The following LRBA variants were observed in gnomAD, a reference collection of about 807,000 sequenced individuals.
LRBA encodes the protein lipopolysaccharide-responsive and beige-like anchor protein.
Under a neutral mutation model 330.0 loss-of-function variants are expected in LRBA, and 176 were observed. The ratio of observed to expected loss-of-function variants is 0.53; its 90% CI spans 0.47 to 0.60. LRBA has a LOEUF of 0.60. Ranked by LOEUF, LRBA falls within the 20% of genes least tolerant of loss-of-function variation. The pLI is 0.00. For synonymous variants in LRBA, 1,230 were observed against 1,193.0 expected, an observed-to-expected ratio of 1.03 and a Z score of -0.64; for missense variants, 3,259 against 3,444.8, an observed-to-expected ratio of 0.95 and a Z score of 1.35.
At chr4:150,474,534 C>G (rs1756498961) in intron 42 of LRBA, among the ~76,000 whole-genome samples, 1 of 152,100 alleles carries the variant, frequency 6.6e-6, no homozygotes, top group African/African-American at 2.4e-5. Flanking sequence ...CCAAAAACGT[C>G]TATCAGGAAT....
At chr4:150,590,621 G>C in intron 39 of LRBA, 92 bp downstream of exon 39, 1 of 1,074,712 alleles carries the variant, frequency 9.3e-7, no homozygotes, top group Non-Finnish European at 1.4e-6. Flanking sequence ...GTATAAACTT[G>C]GTAGTCCTAG....
chr4:150,536,429 C>T (rs1764662181), intron 40 of LRBA, among the ~76,000 whole-genome samples: 1 of 152,116 alleles, frequency 6.6e-6, no homozygotes, highest in Non-Finnish European at 1.5e-5. Flanking sequence ...TAAAACCCTT[C>T]AGCATTTCAC....
At chr4:150,538,175 T>C (rs958328330) in intron 40 of LRBA, among the ~76,000 whole-genome samples, 14 of 152,330 alleles carry the variant, frequency 9.2e-5, no homozygotes, top group Non-Finnish European at 1.6e-4. Flanking sequence ...AGAACTTTTA[T>C]ACACTGTTGG....
At chr4:150,995,780 C>T (rs1742566215) in intron 2 of LRBA, among the ~76,000 whole-genome samples, 1 of 151,938 alleles carries the variant, frequency 6.6e-6, no homozygotes, top group Non-Finnish European at 1.5e-5. Context: ...CAAAATACCT[C>T]AATAAATATT....
intron 2 of LRBA, among the ~76,000 whole-genome samples, chr4:150,946,877 A>G (rs1736304125): frequency 6.6e-6 from 1 of 151,470 alleles, no homozygotes; most frequent in South Asian, 2.1e-4. Flanking sequence ...AATTACTAGT[A>G]TCAGGGAGAA....
chr4:150,808,087 ATGAAGTGACT>A (rs1743064642), intron 32 of LRBA, among the ~76,000 whole-genome samples: 1 of 152,186 alleles, frequency 6.6e-6, no homozygotes, highest in Non-Finnish European at 1.5e-5. Context: ...GTCACTTCTC[ATGAAGTGACT>A]TGTACATCAT....
At chr4:150,425,677 C>G (rs1411560817) in intron 46 of LRBA, among the ~76,000 whole-genome samples, 1 of 152,164 alleles carries the variant, frequency 6.6e-6, no homozygotes, top group Non-Finnish European at 1.5e-5. Flanking sequence ...ATTCTATGCA[C>G]TGAACTAAAC....
At chr4:150,957,893 G>C (rs1259558570) in intron 2 of LRBA, among the ~76,000 whole-genome samples, 1 of 149,480 alleles carries the variant, frequency 6.7e-6, no homozygotes, top group South Asian at 2.1e-4. Context: ...TCACACTGAT[G>C]CAAGAGGTGG....
intron 36 of LRBA, among the ~76,000 whole-genome samples, chr4:150,719,321 A>G (rs1352013171): frequency 6.6e-6 from 1 of 151,922 alleles, no homozygotes; most frequent in East Asian, 1.9e-4. Context: ...CAATCACTAA[A>G]TTTCAAATTT....
intron 2 of LRBA, among the ~76,000 whole-genome samples, chr4:150,993,806 C>G (rs1022965096): frequency 6.6e-6 from 1 of 152,100 alleles, no homozygotes; most frequent in African/African-American, 2.4e-5. Context: ...TTATCTCACA[C>G]CGGGTCCCTC....
intron 47 of LRBA, among the ~76,000 whole-genome samples, chr4:150,393,036 G>A (rs1744219473): frequency 6.6e-6 from 1 of 151,874 alleles, no homozygotes; most frequent in Non-Finnish European, 1.5e-5. Flanking sequence ...GGGAGAATAT[G>A]ATTCCATCCA....
chr4:150,898,561 A>G (rs1052966764), intron 14 of LRBA, among the ~76,000 whole-genome samples: 2 of 152,134 alleles, frequency 1.3e-5, no homozygotes, highest in Middle Eastern at 3.2e-3. Flanking sequence ...TTAGACCACC[A>G]AAGCATAGGA....
At chr4:150,376,791 G>C (rs541788775) in intron 47 of LRBA, among the ~76,000 whole-genome samples, 2 of 152,098 alleles carry the variant, frequency 1.3e-5, no homozygotes, top group African/African-American at 4.8e-5. Flanking sequence ...GGGTGTTTTT[G>C]TTTTGTTTTG....
intron 40 of LRBA, among the ~76,000 whole-genome samples, chr4:150,528,360 G>C (rs1456932845): frequency 7.2e-5 from 11 of 151,990 alleles, no homozygotes; most frequent in Admixed American, 6.6e-4. Context: ...AATTAGCCAG[G>C]CGTGGTGGTG....
At chr4:150,674,393 T>A (rs148977112) in intron 37 of LRBA, among the ~76,000 whole-genome samples, 2 of 149,858 alleles carry the variant, frequency 1.3e-5, no homozygotes, top group Non-Finnish European at 1.5e-5. Context: ...AACAGTAAAG[T>A]CTAAAAAAAA....
In LRBA at chr4:150,927,611, G is replaced by T. The variant is rs1024290703; in HGVS notation, c.549+905C>A. ...AGTCCCAGAAAAGACAGGAAGCGGG[G>T]ACAAGAAGACAGTATTTGAAGAAAC... On this transcript the variant is annotated intron_variant, in intron 4 of 56. Transcript: ENST00000651943. Among the ~76,000 whole-genome samples, 8 of 152,132 alleles carry T rather than the reference G, an allele frequency of 5.3e-5. No individual in the cohort carries two copies. In the East Asian group the frequency reaches 1.2e-3, roughly 22 times the overall value.
intron 30 of LRBA, among the ~76,000 whole-genome samples, chr4:150,822,680 T>C (rs941018369): frequency 2.6e-5 from 4 of 152,094 alleles, no homozygotes; most frequent in African/African-American, 9.7e-5. Context: ...CTTGATCCCA[T>C]GAGTTTGAGG....
intron 51 of LRBA, chr4:150,311,084 G>A (rs1731000407): frequency 6.6e-6 from 1 of 152,158 alleles, no homozygotes; most frequent in Non-Finnish European, 1.5e-5. Flanking sequence ...CTGAGACGGG[G>A]TTTGTCACCA....
In LRBA at chr4:150,793,093, AAAAG is replaced by A. The variant is rs1483524591; in HGVS notation, c.5580+4984_5580+4987del. 7.9e-5 allele frequency among the ~76,000 whole-genome samples: 12 copies of A among 151,906 alleles called. 1 individual carries two copies. Among genetic ancestry groups the A allele is most frequent in the Admixed American group, 7.2e-4 (11 of 15,248 alleles). On this transcript the variant is annotated intron_variant, in intron 34 of 56. Transcript: ENST00000651943. ...GAAACTCCATCTCAAACAAAAAAAA[AAAAG>A]AAAGAGGTCCAGGCTGACAAACATA...
Sources: allele counts gnomAD v4.1 joint callset (sites outside exome capture counted in the v4.1 genomes callset), GRCh38; gene constraint gnomAD v4.1.1; transcripts MANE v1.5; gene names NCBI Gene and HGNC (gene_info 2026-07-23, HGNC 2026-07-21).